AXDND1: variants seen among roughly 807,000 people sequenced by gnomAD.
The protein encoded by AXDND1 is axonemal dynein light chain domain containing 1.
A neutral mutation model predicts 137.5 loss-of-function variants in AXDND1; 110 were observed. The observed-to-expected ratio is 0.80, with a 90% CI of 0.69 to 0.94. The LOEUF is 0.94. AXDND1 is among the 40% of genes least tolerant of loss of function. AXDND1 has a pLI of 0.00. For missense variants in AXDND1, 1,191 were observed against 1,169.8 expected (o/e 1.02, Z -0.26); for synonymous variants, 414 against 399.7 (o/e 1.04, Z -0.43).
chr1:179,440,954 T>G (rs959235657), intron 15 of AXDND1, among the ~76,000 whole-genome samples: 3 of 152,176 alleles, frequency 2.0e-5, no homozygotes, highest in African/African-American at 7.2e-5. Context: ...AGGTCATTAT[T>G]GTTTGAGTAT....
At chr1:179,539,285 C>A (rs556167363) in intron 25 of AXDND1, among the ~76,000 whole-genome samples, 2 of 152,134 alleles carry the variant, frequency 1.3e-5, no homozygotes, top group Non-Finnish European at 2.9e-5. Flanking sequence ...TTCATAGTGT[C>A]GATGGTCTTT....
intron 18 of AXDND1, among the ~76,000 whole-genome samples, chr1:179,488,667 C>CT (rs769889379): frequency 1.6e-5 from 2 of 128,106 alleles, no homozygotes; most frequent in Non-Finnish European, 3.3e-5. Context: ...TTCTTTCTTT[C>CT]TTTCTTTCTT....
intron 4 of AXDND1, among the ~76,000 whole-genome samples, chr1:179,374,026 T>C (rs938801809): frequency 9.9e-5 from 15 of 151,998 alleles, no homozygotes; most frequent in African/African-American, 3.4e-4. Context: ...AAAATTACCA[T>C]CAGAGTGAAC....
At chr1:179,461,473 G>A (rs1662313941) in intron 16 of AXDND1, among the ~76,000 whole-genome samples, 2 of 152,078 alleles carry the variant, frequency 1.3e-5, no homozygotes. Context: ...ATAGTTCGAA[G>A]TCAGGTAGCA....
intron 18 of AXDND1, among the ~76,000 whole-genome samples, chr1:179,486,119 CAA>C (rs1173009992): frequency 5.7e-4 from 13 of 22,662 alleles, no homozygotes; most frequent in African/African-American, 1.5e-3. Flanking sequence ...AACTCTGTCT[CAA>C]AAAAAAAAAA....
intron 12 of AXDND1, among the ~76,000 whole-genome samples, chr1:179,427,344 T>C (rs377529095): frequency 6.7e-6 from 1 of 149,792 alleles, no homozygotes; most frequent in African/African-American, 2.5e-5. Flanking sequence ...TACTTCTATA[T>C]TGTTTGACTT....
chr1:179,529,443 CAT>C (rs1324615487), intron 23 of AXDND1, among the ~76,000 whole-genome samples: 14 of 152,188 alleles, frequency 9.2e-5, no homozygotes, highest in Non-Finnish European at 1.9e-4. Context: ...ATTTGTTTAA[CAT>C]GTGTACATAA....
intron 16 of AXDND1, chr1:179,455,569 G>C (rs1661254808): frequency 6.8e-6 from 1 of 147,366 alleles, no homozygotes; most frequent in Non-Finnish European, 1.5e-5. Flanking sequence ...ACTCCAGCCT[G>C]GGCGACAGAG....
At chr1:179,489,142 A>G (rs1384615040) in intron 18 of AXDND1, among the ~76,000 whole-genome samples, 1 of 152,108 alleles carries the variant, frequency 6.6e-6, no homozygotes, top group Non-Finnish European at 1.5e-5. Flanking sequence ...CAGTCAATTC[A>G]TCTTAAAATG....
intron 16 of AXDND1, 48 bp downstream of exon 16, chr1:179,445,252 C>T (rs199614453): frequency 8.2e-7 from 1 of 1,220,366 alleles, no homozygotes; most frequent in East Asian, 2.7e-5. Flanking sequence ...AAAATGTTTC[C>T]ACAATAATTA....
chr1:179,387,417 T>G (rs12757708), intron 9 of AXDND1, among the ~76,000 whole-genome samples: 44,349 of 152,142 alleles, frequency 0.29, 6,674 homozygotes, highest in Non-Finnish European at 0.31. Context: ...AATAATGGCA[T>G]TAGTCCATTT....
chr1:179,553,809 A>G (rs1355741254), intron 25 of AXDND1, among the ~76,000 whole-genome samples: 1 of 152,118 alleles, frequency 6.6e-6, no homozygotes, highest in Non-Finnish European at 1.5e-5. Context: ...TGCAATGCAC[A>G]ATCTCGACTC....
intron 20 of AXDND1, among the ~76,000 whole-genome samples, chr1:179,498,617 G>A (rs1264519249): frequency 1.3e-5 from 2 of 152,052 alleles, no homozygotes; most frequent in African/African-American, 2.4e-5. Context: ...GCACAGAAAG[G>A]AAACTGTCAT....
chr1:179,421,559 T>G (rs1305072362), intron 12 of AXDND1, among the ~76,000 whole-genome samples: 1 of 151,616 alleles, frequency 6.6e-6, no homozygotes, highest in Non-Finnish European at 1.5e-5. Flanking sequence ...AATTTTTGTA[T>G]TTTTAGTAGA....
chr1:179,526,924 C>T (rs995033813), intron 22 of AXDND1, among the ~76,000 whole-genome samples: 1 of 152,170 alleles, frequency 6.6e-6, no homozygotes, highest in Non-Finnish European at 1.5e-5. Flanking sequence ...AAGGCATTCT[C>T]AGTTTAAAAA....
chr1:179,535,992 A>T (rs922615249), intron 25 of AXDND1, among the ~76,000 whole-genome samples: 1 of 152,068 alleles, frequency 6.6e-6, no homozygotes, highest in Non-Finnish European at 1.5e-5. Context: ...AGCATTTTTC[A>T]TGTGTCTGTT....
chr1:179,458,258 C>T (rs1186171788), intron 16 of AXDND1, among the ~76,000 whole-genome samples: 1 of 151,188 alleles, frequency 6.6e-6, no homozygotes, highest in Non-Finnish European at 1.5e-5. Context: ...GCTGAGATTA[C>T]AGGAGTGAGC....
intron 20 of AXDND1, among the ~76,000 whole-genome samples, chr1:179,508,002 T>G (rs12216994): frequency 0.13 from 19,118 of 152,176 alleles, 1,372 homozygotes; most frequent in African/African-American, 0.16. Flanking sequence ...TTTCTTTATC[T>G]ACAACATATG....
intron 15 of AXDND1, among the ~76,000 whole-genome samples, chr1:179,443,098 C>T (rs1056964072): frequency 6.6e-6 from 1 of 152,174 alleles, no homozygotes; most frequent in African/African-American, 2.4e-5. Context: ...CAATAGATAA[C>T]TTCAAGGAGC....
Sources: allele counts gnomAD v4.1 joint callset (sites outside exome capture counted in the v4.1 genomes callset), GRCh38; gene constraint gnomAD v4.1.1; transcripts MANE v1.5; gene names NCBI Gene and HGNC (gene_info 2026-07-23, HGNC 2026-07-21).